The following PRMT8 variants were observed in gnomAD, a reference collection of about 807,000 sequenced individuals.
The protein encoded by PRMT8 is protein arginine N-methyltransferase 8.
In PRMT8, 7 loss-of-function variants were observed where a neutral mutation model predicts 47.1. The ratio of observed to expected loss-of-function variants is 0.15; its 90% CI spans 0.08 to 0.28. The LOEUF is 0.28. Among genes scored for constraint, PRMT8 ranks in the 10% least tolerant of loss-of-function variants. PRMT8 has a pLI of 1.00. For missense variants in PRMT8, 237 were observed against 505.4 expected (o/e 0.47, Z 5.09); for synonymous variants, 188 against 186.5 (o/e 1.01, Z -0.07).
chr12:3,470,979 A>G (rs1174616691), intron 1 of PRMT8, among the ~76,000 whole-genome samples: 1 of 152,142 alleles, frequency 6.6e-6, no homozygotes, highest in Non-Finnish European at 1.5e-5. Flanking sequence ...CCTTCAGGCC[A>G]TCCTGGGCGG....
chr12:3,433,554 A>T (rs1238907158), intron 1 of PRMT8, among the ~76,000 whole-genome samples: 1 of 152,208 alleles, frequency 6.6e-6, no homozygotes, highest in African/African-American at 2.4e-5. Context: ...TAAGTGGCAG[A>T]GTGGGATACA....
intron 1 of PRMT8, among the ~76,000 whole-genome samples, chr12:3,536,516 C>T (rs748991707): frequency 5.3e-5 from 8 of 152,330 alleles, no homozygotes; most frequent in South Asian, 2.1e-4. Flanking sequence ...CCCCTGTGAC[C>T]TTGACCGTGC....
intron 1 of PRMT8, among the ~76,000 whole-genome samples, chr12:3,482,924 C>T (rs987174573): frequency 2.6e-5 from 4 of 152,148 alleles, no homozygotes; most frequent in African/African-American, 9.7e-5. Flanking sequence ...TGTCCAAGAT[C>T]ATAGAGTCAG....
At chr12:3,478,321 T>C (rs1380860503) in intron 1 of PRMT8, among the ~76,000 whole-genome samples, 2 of 152,202 alleles carry the variant, frequency 1.3e-5, no homozygotes, top group Admixed American at 6.5e-5. Context: ...CCTACCTATC[T>C]ATCTGTCTGT....
intron 1 of PRMT8, among the ~76,000 whole-genome samples, chr12:3,399,124 A>T (rs1864292985): frequency 6.6e-6 from 1 of 152,100 alleles, no homozygotes; most frequent in Non-Finnish European, 1.5e-5. Flanking sequence ...GGCTCTCCCC[A>T]CCATACTTCT....
rs1290922492 is a variant in PRMT8 at position 3,550,954 on chromosome 12, A to C, written c.417+863A>C. On this transcript the variant is annotated intron_variant, in intron 3 of 9. Coordinates refer to ENST00000382622, the MANE Select transcript of PRMT8 (RefSeq NM_019854.5). This position sits in a 1 kb window ranked among gnomAD's most constrained non-coding sequence, Gnocchi z 5.1. ...TTGGTCAAAATGAAAGGCAAACCAC[A>C]ATGAGATTCCCAGTCTGCATGTGAG... is the stretch of plus-strand genomic sequence containing the variant. 2 of 152,260 alleles carry C rather than the reference A, an allele frequency of 1.3e-5. No individual in the cohort carries two copies. Among genetic ancestry groups the C allele is most frequent in the Non-Finnish European group, 2.9e-5 (2 of 68,050 alleles). The allele number at this position is 152,260 out of a possible 1,614,324, so 9.4% of individuals were successfully genotyped here.
At chr12:3,398,723 C>T (rs1314654331) in intron 1 of PRMT8, among the ~76,000 whole-genome samples, 1 of 152,178 alleles carries the variant, frequency 6.6e-6, no homozygotes, top group African/African-American at 2.4e-5. Flanking sequence ...AGAGTCAAGA[C>T]ATGATGTGTT....
intron 1 of PRMT8, among the ~76,000 whole-genome samples, chr12:3,422,977 C>T (rs528934839): frequency 1.4e-4 from 21 of 152,152 alleles, no homozygotes; most frequent in Admixed American, 3.9e-4. Flanking sequence ...ACTAAGGTAG[C>T]GATGAAGCTT....
rs1864941262 is a variant in PRMT8 at position 3,453,383 on chromosome 12, G to A, written c.48+71941G>A. 1.3e-5 allele frequency among the ~76,000 whole-genome samples: 2 copies of A among 152,196 alleles called. No individual in the cohort carries two copies. Among genetic ancestry groups the A allele is most frequent in the South Asian group, 4.1e-4 (2 of 4,832 alleles). ...GGGTAGAGTTTGCACTGGTGGCTGG[G>A]TGTCGCCGTCAGCAGGTGAGGGAGC... On this transcript the variant is annotated intron_variant, in intron 1 of 9. Coordinates refer to the PRMT8 transcript ENST00000452611. This position sits in a 1 kb window ranked among gnomAD's most constrained non-coding sequence, Gnocchi z 4.9.
In PRMT8 at chr12:3,593,428, G is replaced by A. The variant is rs1867356061; in HGVS notation, c.*246G>A. On this transcript the variant is annotated 3_prime_UTR_variant, in exon 10 of 10. Transcript: ENST00000382622. This position sits in a 1 kb window ranked among gnomAD's most constrained non-coding sequence, Gnocchi z 4.8. ...TTGTGTTGCCAACAAAGAGCGACCT[G>A]GCGTGCTGTGGCTGGGCCCCGAGGG... is the stretch of plus-strand genomic sequence containing the variant. 2.0e-6 allele frequency: 1 copy of A among 495,066 alleles called. No homozygotes were observed. The highest frequency in any genetic ancestry group is 4.0e-5 in the Admixed American group (1 of 25,088). 30.7% of individuals were successfully genotyped at this position (495,066 alleles called of 1,614,324 possible). A position where few individuals can be genotyped will look rare whatever the true frequency, so the allele number is the denominator to read the frequency against.
intron 1 of PRMT8, among the ~76,000 whole-genome samples, chr12:3,394,853 G>C (rs1209821063): frequency 6.6e-6 from 1 of 151,048 alleles, no homozygotes; most frequent in Non-Finnish European, 1.5e-5. Context: ...GACTCTTTTT[G>C]GTTGGTAAGC....
chr12:3,487,377 T>G (rs1207489980), upstream of PRMT8, among the ~76,000 whole-genome samples: 1 of 152,134 alleles, frequency 6.6e-6, no homozygotes, highest in Non-Finnish European at 1.5e-5. Flanking sequence ...GCTTCCTGAT[T>G]CTAGGGGCCT....
intron 1 of PRMT8, among the ~76,000 whole-genome samples, chr12:3,516,651 T>G (rs1865796053): frequency 6.6e-6 from 1 of 151,878 alleles, no homozygotes; most frequent in Non-Finnish European, 1.5e-5. Flanking sequence ...AAGACTTGAG[T>G]GAGGTTAAAG....
At chr12:3,521,799 C>T (rs1284556240) in intron 1 of PRMT8, among the ~76,000 whole-genome samples, 2 of 152,188 alleles carry the variant, frequency 1.3e-5, no homozygotes, top group East Asian at 1.9e-4. Context: ...TGGTAGGCCA[C>T]CTCTTCAGCT....
At chr12:3,455,274 C>G (rs1864962488) in intron 1 of PRMT8, among the ~76,000 whole-genome samples, 1 of 152,206 alleles carries the variant, frequency 6.6e-6, no homozygotes, top group African/African-American at 2.4e-5. Context: ...ACACCAGTCC[C>G]TCACGAAAGC....
chr12:3,556,342 G>A (rs957231094), intron 4 of PRMT8, among the ~76,000 whole-genome samples: 2 of 152,064 alleles, frequency 1.3e-5, no homozygotes, highest in African/African-American at 4.8e-5. Context: ...GTCAAGCAGG[G>A]GAGAAGGGCA....
intron 1 of PRMT8, among the ~76,000 whole-genome samples, chr12:3,395,455 T>C (rs1054595459): frequency 2.0e-5 from 3 of 151,232 alleles, no homozygotes; most frequent in African/African-American, 7.3e-5. Context: ...ATTTCTGCCT[T>C]CATTTCGTTA....
intron 1 of PRMT8, among the ~76,000 whole-genome samples, chr12:3,511,087 A>G (rs1172366727): frequency 6.6e-6 from 1 of 152,202 alleles, no homozygotes; most frequent in East Asian, 1.9e-4. Flanking sequence ...GAGGACTTTA[A>G]GAGGTAAGAG....
chr12:3,560,069 G>T (rs949072758), intron 4 of PRMT8, among the ~76,000 whole-genome samples: 1 of 152,194 alleles, frequency 6.6e-6, no homozygotes, highest in African/African-American at 2.4e-5. Flanking sequence ...AAAGCTGAGT[G>T]GTCTTTACTT....
Sources: gnomAD v4.1 joint callset for allele counts (sites outside exome capture counted in the v4.1 genomes callset) on GRCh38, gnomAD v4.1.1 for gene constraint, Gnocchi (gnomAD v3.1) non-coding constraint, MANE v1.5 for transcripts, NCBI Gene and HGNC (gene_info 2026-07-23, HGNC 2026-07-21) for gene names.